Variants in HMGB1 observed in about 807,000 individuals in gnomAD.
The protein encoded by HMGB1 is high mobility group box 1, also known as high mobility group protein B1.
For missense variants in HMGB1, 79 were observed against 253.5 expected (o/e 0.31, Z 4.67); for synonymous variants, 81 against 84.0 (o/e 0.96, Z 0.19).
At chr13:30,556,329 G>A (rs1244968792) in intron 1 of HMGB1, among the ~76,000 whole-genome samples, 1 of 152,158 alleles carries the variant, frequency 6.6e-6, no homozygotes, top group African/African-American at 2.4e-5. Context: ...GCTTGAGCCC[G>A]AGAGGTGGAG....
At position 30,462,726 on chromosome 13, in the gene HMGB1, T is replaced by C. The variant is rs764441758; in HGVS notation, c.297-14A>G. 1.6e-5 allele frequency: 26 copies of C among 1,604,990 alleles called. No individual in the cohort carries two copies. The Middle Eastern group carries it at 5.0e-4, about 31-fold the overall frequency. On this transcript the variant is annotated splice_polypyrimidine_tract_variant and intron_variant, in intron 3 of 4. Coordinates refer to ENST00000341423, the MANE Select transcript of HMGB1 (RefSeq NM_002128.7). ...AAGAAGGCCGAACTAAAAAAAAAATTAATTTTAGGATTTTAAGTTAACAGA... is the reference window on the plus strand; with the variant it reads ...AAGAAGGCCGAACTAAAAAAAAAATCAATTTTAGGATTTTAAGTTAACAGA...
chr13:30,482,953 A>ATTT (rs33960064), intron 1 of HMGB1, among the ~76,000 whole-genome samples: 1 of 143,074 alleles, frequency 7.0e-6, no homozygotes, highest in Admixed American at 6.9e-5. Flanking sequence ...AACACCAGCT[A>ATTT]TTTTTTTTTT....
chr13:30,542,700 C>A, intron 1 of HMGB1: 1 of 207,500 alleles, frequency 4.8e-6, no homozygotes, highest in Non-Finnish European at 1.0e-5. Flanking sequence ...TTGGATTTCC[C>A]AATGAATGAA....
intron 1 of HMGB1, among the ~76,000 whole-genome samples, chr13:30,538,706 T>C (rs1347937452): frequency 3.9e-5 from 5 of 129,838 alleles, no homozygotes; most frequent in African/African-American, 7.7e-5. Flanking sequence ...TCTTTCTTTT[T>C]CTTTCTTTCT....
intron 1 of HMGB1, among the ~76,000 whole-genome samples, chr13:30,614,896 G>A (rs1229290308): frequency 1.4e-5 from 2 of 145,270 alleles, no homozygotes; most frequent in Non-Finnish European, 3.0e-5. Flanking sequence ...TTTTTTAGTA[G>A]AGACGGGGTT....
chr13:30,550,026 A>AT (rs1205768316), intron 1 of HMGB1, among the ~76,000 whole-genome samples: 2 of 151,746 alleles, frequency 1.3e-5, no homozygotes, highest in African/African-American at 4.9e-5. Flanking sequence ...CACAAACACT[A>AT]TTTTTTAAAG....
chr13:30,526,696 C>T (rs1339585909), intron 1 of HMGB1, among the ~76,000 whole-genome samples: 1 of 152,230 alleles, frequency 6.6e-6, no homozygotes, highest in Non-Finnish European at 1.5e-5. Context: ...AGACAGCAAG[C>T]CTGCCACCAC....
intron 1 of HMGB1, chr13:30,553,682 C>G (rs1386301337): frequency 1.2e-6 from 1 of 831,046 alleles, no homozygotes. Flanking sequence ...TGCCCACCAT[C>G]ATTGAGCGGG....
At chr13:30,545,039 A>G (rs1566021308) in intron 1 of HMGB1, among the ~76,000 whole-genome samples, 1 of 151,572 alleles carries the variant, frequency 6.6e-6, no homozygotes, top group East Asian at 1.9e-4. Context: ...TAAAAAAACT[A>G]TTTTTTTTCT....
At chr13:30,538,576 C>CTT (rs1868633079) in intron 1 of HMGB1, among the ~76,000 whole-genome samples, 1 of 118,770 alleles carries the variant, frequency 8.4e-6, no homozygotes, top group African/African-American at 3.4e-5. Context: ...CTTTTTCTTT[C>CTT]TTTCTTTCTT....
chr13:30,520,905 C>G (rs1888222961), intron 1 of HMGB1, among the ~76,000 whole-genome samples: 1 of 152,172 alleles, frequency 6.6e-6, no homozygotes, highest in Non-Finnish European at 1.5e-5. Flanking sequence ...ACCTCTTTTC[C>G]CATAAACATT....
intron 1 of HMGB1, among the ~76,000 whole-genome samples, chr13:30,548,916 T>C (rs1225668265): frequency 6.6e-6 from 1 of 152,182 alleles, no homozygotes; most frequent in Admixed American, 6.5e-5. Context: ...ATTAACATTG[T>C]CCCTGATAGT....
intron 1 of HMGB1, among the ~76,000 whole-genome samples, chr13:30,503,642 A>AG (rs1887786222): frequency 7.6e-6 from 1 of 131,902 alleles, no homozygotes; most frequent in African/African-American, 2.7e-5. Context: ...GATCCTACTC[A>AG]GCTTCTTTTT....
intron 1 of HMGB1, among the ~76,000 whole-genome samples, chr13:30,505,162 G>A (rs56979419): frequency 0.048 from 7,195 of 148,984 alleles, 207 homozygotes; most frequent in African/African-American, 0.083. Flanking sequence ...TTATATATTT[G>A]TTGTTGTCGT....
intron 1 of HMGB1, among the ~76,000 whole-genome samples, chr13:30,506,239 G>C (rs896981717): frequency 1.3e-5 from 2 of 152,168 alleles, no homozygotes; most frequent in Non-Finnish European, 2.9e-5. Context: ...TGAGTGGGCA[G>C]GGGTGGCGTC....
At chr13:30,543,003 A>G (rs1319003084) in intron 1 of HMGB1, 1 of 152,292 alleles carries the variant, frequency 6.6e-6, no homozygotes, top group Non-Finnish European at 1.5e-5. Flanking sequence ...ACTGCTACAT[A>G]GCTGATCCCT....
intron 1 of HMGB1, chr13:30,554,026 A>C (rs1869557679): frequency 2.7e-6 from 4 of 1,471,520 alleles, no homozygotes; most frequent in Non-Finnish European, 3.8e-6. Flanking sequence ...GTGGAGAAAG[A>C]ATCGGTTAAA....
At chr13:30,573,520 A>T (rs1870518697) in intron 1 of HMGB1, among the ~76,000 whole-genome samples, 1 of 152,274 alleles carries the variant, frequency 6.6e-6, no homozygotes, top group Admixed American at 6.5e-5. Context: ...AACATTTTTG[A>T]TAAGCTTTTC....
upstream of HMGB1, among the ~76,000 whole-genome samples, chr13:30,469,871 C>T (rs185380794): frequency 7.2e-5 from 11 of 152,272 alleles, no homozygotes; most frequent in East Asian, 1.7e-3. Flanking sequence ...CCTTGTGATC[C>T]GCCCGCCTTG....
Sources: gnomAD v4.1 joint callset for allele counts (sites outside exome capture counted in the v4.1 genomes callset) on GRCh38, gnomAD v4.1.1 for gene constraint, MANE v1.5 for transcripts, NCBI Gene and HGNC (gene_info 2026-07-23, HGNC 2026-07-21) for gene names.